Variants in RELL1 observed in about 807,000 individuals in gnomAD.
RELL1 encodes RELT like 1.
Under a neutral mutation model 23.0 loss-of-function variants are expected in RELL1, and 10 were observed. That is an observed-to-expected ratio of 0.43 (90% CI 0.27 to 0.74). The LOEUF is 0.74. Among genes scored for constraint, RELL1 ranks in the 30% least tolerant of loss-of-function variants. RELL1 has a pLI of 0.19. For synonymous variants in RELL1, 146 were observed against 146.8 expected (o/e 0.99, Z 0.04); for missense variants, 315 against 364.4 (o/e 0.86, Z 1.10).
downstream of RELL1, among the ~76,000 whole-genome samples, chr4:37,608,014 G>A (rs995911550): frequency 1.2e-4 from 19 of 152,242 alleles, no homozygotes; most frequent in South Asian, 1.0e-3. Flanking sequence ...CGTGATCAGC[G>A]ATTTCTGATG....
intron 1 of RELL1, 134 bp downstream of exon 1, chr4:37,686,066 T>G: frequency 1.3e-6 from 1 of 745,438 alleles, no homozygotes; most frequent in South Asian, 1.7e-5. Context: ...GACAGCCAGT[T>G]GTTCAGTGCC....
At chr4:37,659,898 T>C (rs1015101991) in intron 1 of RELL1, among the ~76,000 whole-genome samples, 2 of 152,168 alleles carry the variant, frequency 1.3e-5, no homozygotes, top group African/African-American at 4.8e-5. Flanking sequence ...AGATCAAGAA[T>C]GGCTCTGATA....
At chr4:37,649,235 C>T in intron 2 of RELL1, 41 bp downstream of exon 2, 3 of 1,491,540 alleles carry the variant, frequency 2.0e-6, no homozygotes, top group South Asian at 2.3e-5. Context: ...TATTTAAAAA[C>T]TGTCTCCTCA....
chr4:37,631,662 C>T (rs1181041768), intron 5 of RELL1, 139 bp from the exon 6 acceptor site: 15 of 898,906 alleles, frequency 1.7e-5, no homozygotes, highest in Admixed American at 7.8e-5. Flanking sequence ...ACAACATATT[C>T]GAACATGCAT....
At chr4:37,659,401 G>A (rs988753285) in intron 1 of RELL1, among the ~76,000 whole-genome samples, 4 of 152,210 alleles carry the variant, frequency 2.6e-5, no homozygotes, top group African/African-American at 9.6e-5. Context: ...TTTCTAGCTT[G>A]TTTCCAAGTA....
downstream of RELL1, chr4:37,589,938 A>C (rs1279670597): frequency 2.7e-6 from 2 of 735,754 alleles, no homozygotes; most frequent in Non-Finnish European, 4.6e-6. Flanking sequence ...TTTTATACCA[A>C]CTATATCTAT....
At chr4:37,651,591 C>G (rs982274533) in intron 1 of RELL1, among the ~76,000 whole-genome samples, 1 of 152,186 alleles carries the variant, frequency 6.6e-6, no homozygotes, top group Non-Finnish European at 1.5e-5. Context: ...CCCAGGCAGA[C>G]AGGGTTGGGT....
chr4:37,610,253 A>AAAG (rs1719333243), downstream of RELL1, among the ~76,000 whole-genome samples: 1 of 152,212 alleles, frequency 6.6e-6, no homozygotes, highest in Non-Finnish European at 1.5e-5. The surrounding 1 kb of genome is among the most constrained non-coding windows in gnomAD (Gnocchi z 4.1). Flanking sequence ...TTAGCAATAA[A>AAAG]AAGTATTTTA....
At chr4:37,628,617 C>T (rs1047020621) in intron 6 of RELL1, among the ~76,000 whole-genome samples, 3 of 152,196 alleles carry the variant, frequency 2.0e-5, no homozygotes, top group Admixed American at 6.5e-5. Flanking sequence ...GAAGGCCACT[C>T]GTGCTCATTG....
At chr4:37,646,071 A>G (rs1720700933) in intron 3 of RELL1, among the ~76,000 whole-genome samples, 1 of 152,192 alleles carries the variant, frequency 6.6e-6, no homozygotes, top group South Asian at 2.1e-4. Context: ...TCAGTCCACG[A>G]GCCCATGCTG....
At chr4:37,605,857 GA>G, downstream of RELL1, among the ~76,000 whole-genome samples, 2 of 122,056 alleles carry the variant, frequency 1.6e-5, no homozygotes, top group East Asian at 2.3e-4. Flanking sequence ...GAAAAGAAAA[GA>G]AAAGAAAGAG....
chr4:37,652,009 G>A (rs1325830781), intron 1 of RELL1, among the ~76,000 whole-genome samples: 1 of 152,232 alleles, frequency 6.6e-6, no homozygotes, highest in African/African-American at 2.4e-5. Context: ...CGTCGAGGCT[G>A]GGGCAGAGCG....
chr4:37,651,911 G>A (rs1277289806), intron 1 of RELL1, among the ~76,000 whole-genome samples: 1 of 152,128 alleles, frequency 6.6e-6, no homozygotes, highest in Non-Finnish European at 1.5e-5. Context: ...ATTCTTCTTG[G>A]GTGCGCTACA....
At chr4:37,683,713 G>C (rs1722296284) in intron 1 of RELL1, among the ~76,000 whole-genome samples, 1 of 150,460 alleles carries the variant, frequency 6.6e-6, no homozygotes, top group Non-Finnish European at 1.5e-5. Context: ...AGCTGAGATC[G>C]CACCACTGCA....
rs1719414120 is a variant in RELL1, at chr4:37,612,199, AAAGAG to A, written c.*1142_*1146del. Among the ~76,000 whole-genome samples the A allele has an allele frequency of 6.8e-6, 1 of 147,178 alleles. No homozygotes were observed. The highest frequency in any genetic ancestry group is 2.5e-5 in the African/African-American group (1 of 39,956). ...CTCAAAAAAAAAAAAAAAAAAAAAA[AAAGAG>A]AGAAGCAGGGTTCTTTTGTTTTGGC... is the stretch of plus-strand genomic sequence containing the variant. On this transcript the variant is annotated 3_prime_UTR_variant, in exon 7 of 7. Transcript: ENST00000454158.
chr4:37,665,780 T>C (rs1303393690), intron 1 of RELL1, among the ~76,000 whole-genome samples: 1 of 152,196 alleles, frequency 6.6e-6, no homozygotes, highest in Non-Finnish European at 1.5e-5. Context: ...TCCCTGAAGC[T>C]TACAGAGAGC....
At chr4:37,589,085 CT>C (rs996303878), downstream of RELL1, among the ~76,000 whole-genome samples, 4 of 152,106 alleles carry the variant, frequency 2.6e-5, no homozygotes, top group South Asian at 2.1e-4. Flanking sequence ...ATTTTTTTAA[CT>C]TTTTTTGCTC....
At chr4:37,587,663 T>C (rs929264676), downstream of RELL1, among the ~76,000 whole-genome samples, 1 of 152,186 alleles carries the variant, frequency 6.6e-6, no homozygotes, top group Non-Finnish European at 1.5e-5. Context: ...GATTCTGTTT[T>C]GGCTTGTCTT....
intron 1 of RELL1, among the ~76,000 whole-genome samples, chr4:37,656,247 G>A (rs1364115514): frequency 6.6e-6 from 1 of 152,162 alleles, no homozygotes; most frequent in Non-Finnish European, 1.5e-5. Context: ...AAATAAGCCA[G>A]ACACCAAAGG....
Sources: allele counts gnomAD v4.1 joint callset (sites outside exome capture counted in the v4.1 genomes callset), GRCh38; gene constraint gnomAD v4.1.1; non-coding constraint Gnocchi (gnomAD v3.1); transcripts MANE v1.5; gene names NCBI Gene and HGNC (gene_info 2026-07-23, HGNC 2026-07-21).